The following SCFD2 variants were observed in gnomAD, a reference collection of about 807,000 sequenced individuals.
The protein encoded by SCFD2 is sec1 family domain-containing protein 2.
A neutral mutation model predicts 58.9 loss-of-function variants in SCFD2; 54 were observed. The ratio of observed to expected loss-of-function variants is 0.92; its 90% CI spans 0.74 to 1.15. SCFD2 has a LOEUF of 1.15. Among genes scored for constraint, SCFD2 ranks in the 50% most tolerant of loss-of-function variants. The pLI is 0.00. For missense variants in SCFD2, 805 were observed against 836.6 expected, an observed-to-expected ratio of 0.96 and a Z score of 0.47; for synonymous variants, 321 against 335.9, an observed-to-expected ratio of 0.96 and a Z score of 0.49.
intron 5 of SCFD2, among the ~76,000 whole-genome samples, chr4:52,988,191 G>C (rs959727451): frequency 4.6e-5 from 7 of 152,198 alleles, no homozygotes; most frequent in African/African-American, 1.7e-4. Flanking sequence ...AGCTGGGAGA[G>C]AGAAAATGCG....
intron 2 of SCFD2, among the ~76,000 whole-genome samples, chr4:53,329,004 G>A (rs1375688491): frequency 6.6e-6 from 1 of 152,188 alleles, no homozygotes; most frequent in Non-Finnish European, 1.5e-5. Flanking sequence ...GGAAAATCGG[G>A]TCACTCCCAC....
At chr4:53,127,788 G>T (rs1345262798) in intron 5 of SCFD2, among the ~76,000 whole-genome samples, 1 of 152,210 alleles carries the variant, frequency 6.6e-6, no homozygotes, top group Non-Finnish European at 1.5e-5. Flanking sequence ...CTAAGAAACT[G>T]GCCATGGAAA....
At chr4:53,353,706 A>G (rs1166530363) in intron 1 of SCFD2, among the ~76,000 whole-genome samples, 5 of 151,576 alleles carry the variant, frequency 3.3e-5, no homozygotes, top group Non-Finnish European at 7.4e-5. Flanking sequence ...AAAGTTTTCC[A>G]AGTCCCCACT....
At chr4:52,968,328 G>A (rs892572162) in intron 5 of SCFD2, among the ~76,000 whole-genome samples, 1 of 152,226 alleles carries the variant, frequency 6.6e-6, no homozygotes, top group Non-Finnish European at 1.5e-5. Context: ...CAAAGTCAGA[G>A]GCTGCATCAG....
At chr4:53,215,711 C>T (rs1318380947) in intron 4 of SCFD2, among the ~76,000 whole-genome samples, 4 of 152,096 alleles carry the variant, frequency 2.6e-5, no homozygotes, top group African/African-American at 7.3e-5. Flanking sequence ...AGAGGGCATC[C>T]CTGTCTTGTG....
intron 5 of SCFD2, among the ~76,000 whole-genome samples, chr4:53,018,813 A>G (rs1316434580): frequency 6.6e-6 from 1 of 152,158 alleles, no homozygotes; most frequent in Non-Finnish European, 1.5e-5. Context: ...GGATGCATCA[A>G]TGATGGTGTG....
At chr4:53,224,616 A>G (rs1729147960) in intron 4 of SCFD2, among the ~76,000 whole-genome samples, 1 of 152,066 alleles carries the variant, frequency 6.6e-6, no homozygotes, top group African/African-American at 2.4e-5. Flanking sequence ...ATAGCCCCCA[A>G]ATAACCTTAG....
chr4:53,017,420 C>G (rs1722241304), intron 5 of SCFD2, among the ~76,000 whole-genome samples: 1 of 152,160 alleles, frequency 6.6e-6, no homozygotes, highest in South Asian at 2.1e-4. Context: ...CTGCTGCTAT[C>G]TGTTTTATAT....
At chr4:53,310,460 C>T (rs1246983554) in intron 3 of SCFD2, among the ~76,000 whole-genome samples, 1 of 152,182 alleles carries the variant, frequency 6.6e-6, no homozygotes. Context: ...AGATGGGCAT[C>T]ATCTACTCAT....
intron 7 of SCFD2, among the ~76,000 whole-genome samples, chr4:52,898,977 C>T (rs1166943679): frequency 6.6e-6 from 1 of 152,122 alleles, no homozygotes; most frequent in Non-Finnish European, 1.5e-5. Context: ...GCAACCCTTG[C>T]CTTTTTTTGT....
At chr4:52,924,991 C>T (rs184392506) in intron 5 of SCFD2, among the ~76,000 whole-genome samples, 3 of 152,212 alleles carry the variant, frequency 2.0e-5, no homozygotes, top group East Asian at 3.9e-4. Flanking sequence ...AGTATATAAG[C>T]GCCAGTTGCT....
At chr4:52,907,821 T>C (rs1719384924) in intron 6 of SCFD2, among the ~76,000 whole-genome samples, 1 of 152,154 alleles carries the variant, frequency 6.6e-6, no homozygotes, top group Non-Finnish European at 1.5e-5. Context: ...TTTCTGCTTC[T>C]CATGCTCCCT....
At chr4:53,110,281 T>C (rs1360908883) in intron 5 of SCFD2, among the ~76,000 whole-genome samples, 1 of 152,016 alleles carries the variant, frequency 6.6e-6, no homozygotes, top group African/African-American at 2.4e-5. Flanking sequence ...CCTAACACCA[T>C]AAAAACCCTA....
At chr4:53,216,352 A>G (rs1728833016) in intron 4 of SCFD2, among the ~76,000 whole-genome samples, 1 of 152,134 alleles carries the variant, frequency 6.6e-6, no homozygotes, top group Non-Finnish European at 1.5e-5. Context: ...CAGAGATTCA[A>G]CTTCTTCCTG....
intron 4 of SCFD2, among the ~76,000 whole-genome samples, chr4:53,172,564 AT>A (rs1274034877): frequency 6.6e-6 from 1 of 152,056 alleles, no homozygotes; most frequent in Admixed American, 6.6e-5. Flanking sequence ...TTCTCAGGAC[AT>A]TTTTTCATTT....
rs573889457 is a variant in SCFD2 at position 52,876,968 on chromosome 4, C to T, written c.1963-2907G>A. Among the ~76,000 whole-genome samples, 19 of 152,016 alleles carry T rather than the reference C, an allele frequency of 1.2e-4. No homozygotes were observed. The South Asian group carries it at 2.3e-3, about 18-fold the overall frequency. ...GGGGTCTTTAATTCTAAAGCAAAGACGGTGGATTCCTCTCTGGCTGGGGTG... is the reference window on the plus strand; with the variant it reads ...GGGGTCTTTAATTCTAAAGCAAAGATGGTGGATTCCTCTCTGGCTGGGGTG... On this transcript the variant is annotated intron_variant, in intron 8 of 8. Transcript: ENST00000401642.
chr4:53,082,976 TC>T (rs1310936267), intron 5 of SCFD2, among the ~76,000 whole-genome samples: 28 of 1,378 alleles, frequency 0.02, no homozygotes, highest in South Asian at 0.5. Context: ...TATCTGTCTC[TC>T]TTTCTCTCTT....
At chr4:53,256,953 C>G (rs1730662756) in intron 4 of SCFD2, among the ~76,000 whole-genome samples, 1 of 149,472 alleles carries the variant, frequency 6.7e-6, no homozygotes, top group Non-Finnish European at 1.5e-5. Context: ...AGAGCTAAAC[C>G]TTTTTTCTTT....
intron 4 of SCFD2, among the ~76,000 whole-genome samples, chr4:53,231,555 C>T (rs1041377480): frequency 1.3e-5 from 2 of 152,072 alleles, no homozygotes; most frequent in Non-Finnish European, 2.9e-5. Flanking sequence ...TAATCAGAAA[C>T]ACACTCAATT....
Sources: allele counts gnomAD v4.1 joint callset (sites outside exome capture counted in the v4.1 genomes callset), GRCh38; gene constraint gnomAD v4.1.1; transcripts MANE v1.5; gene names NCBI Gene and HGNC (gene_info 2026-07-23, HGNC 2026-07-21).